Variants in EGFLAM observed in about 807,000 individuals in gnomAD.
EGFLAM encodes the protein EGF like, fibronectin type III and laminin G domains.
Under a neutral mutation model 113.1 loss-of-function variants are expected in EGFLAM, and 79 were observed. The ratio of observed to expected loss-of-function variants is 0.70; its 90% CI spans 0.58 to 0.84. The LOEUF is 0.84. EGFLAM is among the 40% of genes least tolerant of loss of function. The pLI is 0.00. For synonymous variants in EGFLAM, 504 were observed against 487.6 expected, an observed-to-expected ratio of 1.03 and a Z score of -0.44; for missense variants, 1,265 against 1,291.6, an observed-to-expected ratio of 0.98 and a Z score of 0.32.
At chr5:38,355,174 G>A (rs976230259) in intron 5 of EGFLAM, among the ~76,000 whole-genome samples, 3 of 152,224 alleles carry the variant, frequency 2.0e-5, no homozygotes, top group African/African-American at 4.8e-5. Flanking sequence ...AGTCACTGCT[G>A]TAGGCAACCG....
At chr5:38,284,061 C>G (rs537548950) in intron 1 of EGFLAM, 2 of 152,400 alleles carry the variant, frequency 1.3e-5, no homozygotes, top group East Asian at 3.9e-4. Flanking sequence ...TCAAAACTCC[C>G]GTCTGGAATG....
At chr5:38,347,610 C>T (rs1480651633) in intron 3 of EGFLAM, among the ~76,000 whole-genome samples, 1 of 152,048 alleles carries the variant, frequency 6.6e-6, no homozygotes, top group African/African-American at 2.4e-5. Flanking sequence ...GCAGCAGGTT[C>T]AAAGGCCCAG....
chr5:38,281,295 C>T (rs35736433), intron 1 of EGFLAM, among the ~76,000 whole-genome samples: 65,430 of 151,690 alleles, frequency 0.43, 14,504 homozygotes, highest in Middle Eastern at 0.56. Flanking sequence ...AAGCTAAGCA[C>T]CATATCTAGT....
At chr5:38,334,492 G>C (rs1288609696) in intron 1 of EGFLAM, among the ~76,000 whole-genome samples, 1 of 151,978 alleles carries the variant, frequency 6.6e-6, no homozygotes, top group Admixed American at 6.5e-5. Context: ...CTGTTCATGA[G>C]GGCTCTACCC....
intron 1 of EGFLAM, among the ~76,000 whole-genome samples, chr5:38,293,473 T>C (rs770232305): frequency 8.5e-5 from 13 of 152,224 alleles, no homozygotes; most frequent in Non-Finnish European, 1.3e-4. Flanking sequence ...TATGGAGACT[T>C]GGCTGACAAG....
chr5:38,297,164 T>A (rs1758469198), intron 1 of EGFLAM, among the ~76,000 whole-genome samples: 2 of 152,216 alleles, frequency 1.3e-5, no homozygotes, highest in Non-Finnish European at 2.9e-5. Context: ...TTTGTATGAA[T>A]GTTAATTTTT....
intron 1 of EGFLAM, among the ~76,000 whole-genome samples, chr5:38,279,506 G>A (rs768109795): frequency 4.6e-5 from 7 of 152,088 alleles, no homozygotes; most frequent in African/African-American, 1.2e-4. Context: ...AAAATGTGGC[G>A]CATATCCACA....
At chr5:38,412,402 ACT>A in intron 10 of EGFLAM, 100 bp from the exon 11 acceptor site, 3 of 1,555,036 alleles carry the variant, frequency 1.9e-6, no homozygotes, top group Non-Finnish European at 2.7e-6. Flanking sequence ...GAACAGACTG[ACT>A]CTGAAGGGAG....
In EGFLAM at chr5:38,418,132, T is replaced by G; in HGVS notation, c.1561T>G (p.Leu521Val). 1 of 1,614,172 alleles carries G rather than the reference T, an allele frequency of 6.2e-7. No individual in the cohort carries two copies. The highest frequency in any genetic ancestry group is 8.5e-7 in the Non-Finnish European group (1 of 1,180,014). ...YLGGAPSAYW[L>V]VRATGTNRGF... ...TGGTGGCGCTCCCAGCGCTTACTGG[T>G]TGGTTAGAGCAACAGGGACAAACCG... Residue 521 changes from leucine (L) to valine (V), a missense_variant, in exon 12 of 22, where the codon TTG becomes GTG. Coordinates refer to ENST00000322350, the MANE Select transcript of EGFLAM (RefSeq NM_152403.4).
intron 11 of EGFLAM, among the ~76,000 whole-genome samples, chr5:38,415,969 T>G (rs1741628466): frequency 6.6e-6 from 1 of 151,962 alleles, no homozygotes; most frequent in African/African-American, 2.4e-5. Flanking sequence ...TACCTCCCAC[T>G]GAGTCCCTCC....
At chr5:38,281,313 G>T in intron 1 of EGFLAM, among the ~76,000 whole-genome samples, 1 of 151,930 alleles carries the variant, frequency 6.6e-6, no homozygotes, top group African/African-American at 2.4e-5. Context: ...AGTGTTGCCA[G>T]ATAAAATAGA....
intron 14 of EGFLAM, among the ~76,000 whole-genome samples, chr5:38,429,355 A>T (rs575040649): frequency 2.0e-5 from 3 of 152,350 alleles, no homozygotes; most frequent in Non-Finnish European, 4.4e-5. Flanking sequence ...TCTAATTGCT[A>T]AGAACAGATC....
At position 38,350,583 on chromosome 5, in the gene EGFLAM, T is replaced by G; in HGVS notation, c.374T>G (p.Leu125Arg). The G allele has an allele frequency of 6.2e-7, 1 of 1,614,144 alleles. No homozygotes were observed. Among genetic ancestry groups the G allele is most frequent in the Non-Finnish European group, 8.5e-7 (1 of 1,179,984 alleles). The change falls in exon 4 of 22, where the codon CTG becomes CGG. Residue 125 changes from leucine to arginine, a missense_variant. By Grantham distance (102) the Leu-to-Arg change is moderately radical. Coordinates refer to ENST00000322350, the MANE Select transcript of EGFLAM (RefSeq NM_152403.4). ...TACAGCCAGGCTGGCAAAGGGCGGC[T>G]GAGCTCTCCTCGGCATGTCACCACT... ...AAYSQAGKGR[L>R]SSPRHVTTLS...
chr5:38,451,257 T>C, intron 18 of EGFLAM, 58 bp from the exon 19 acceptor site: 1 of 1,583,200 alleles, frequency 6.3e-7, no homozygotes, highest in African/African-American at 1.3e-5. Context: ...AAACTGGAAT[T>C]ACTCGGAAAC....
At position 38,389,198 on chromosome 5, in the gene EGFLAM, C is replaced by A. The variant is rs535331042; in HGVS notation, c.713-16928C>A. ...ATGATCGAACTTGACAGAAGGAAAA[C>A]CCTTAGAAAATTAGAAGCATTGATG... On this transcript the variant is annotated intron_variant, in intron 6 of 21. Transcript: ENST00000322350. Among the ~76,000 whole-genome samples the A allele has an allele frequency of 4.3e-4, 66 of 152,170 alleles. No homozygotes were observed. In the South Asian group the frequency reaches 0.014, roughly 32 times the overall value.
intron 6 of EGFLAM, among the ~76,000 whole-genome samples, chr5:38,371,654 A>G (rs1214038071): frequency 1.3e-5 from 2 of 152,184 alleles, no homozygotes; most frequent in East Asian, 1.9e-4. Context: ...ACATATGCAC[A>G]TGCTCGTGCA....
intron 6 of EGFLAM, among the ~76,000 whole-genome samples, chr5:38,388,447 C>T (rs867881507): frequency 3.3e-5 from 5 of 152,070 alleles, no homozygotes; most frequent in African/African-American, 1.2e-4. Flanking sequence ...TGGTGAAACC[C>T]TGTCTGTCTC....
chr5:38,348,812 A>G (rs1251179312), intron 3 of EGFLAM, among the ~76,000 whole-genome samples: 1 of 152,020 alleles, frequency 6.6e-6, no homozygotes, highest in Non-Finnish European at 1.5e-5. Flanking sequence ...CAGGACAATG[A>G]GAGGAGGGGG....
At chr5:38,433,674 A>C (rs1170914081) in intron 15 of EGFLAM, among the ~76,000 whole-genome samples, 1 of 152,024 alleles carries the variant, frequency 6.6e-6, no homozygotes, top group Admixed American at 6.5e-5. Flanking sequence ...AACCTCCTTG[A>C]CCCTGCATCC....
Sources: allele counts gnomAD v4.1 joint callset (sites outside exome capture counted in the v4.1 genomes callset), GRCh38; gene constraint gnomAD v4.1.1; transcripts MANE v1.5; gene names NCBI Gene and HGNC (gene_info 2026-07-23, HGNC 2026-07-21).